The following CLYBL variants were observed in gnomAD, a reference collection of about 807,000 sequenced individuals.
The protein encoded by CLYBL is citramalyl-CoA lyase, also known as citramalyl-CoA lyase, mitochondrial.
In CLYBL, 31 loss-of-function variants were observed where a neutral mutation model predicts 38.9. The observed-to-expected ratio is 0.80, with a 90% confidence interval of 0.60 to 1.08. The LOEUF is 1.08. Among genes scored for constraint, CLYBL ranks in the 50% least tolerant of loss-of-function variants. The pLI is 0.00. For missense variants in CLYBL, 434 were observed against 411.6 expected, an observed-to-expected ratio of 1.05 and a Z score of -0.47; for synonymous variants, 171 against 158.6, an observed-to-expected ratio of 1.08 and a Z score of -0.59.
intron 2 of CLYBL, among the ~76,000 whole-genome samples, chr13:99,832,991 T>TATACATAC (rs71121014): frequency 1.4e-5 from 1 of 69,222 alleles, no homozygotes; most frequent in Non-Finnish European, 3.1e-5. Flanking sequence ...TTAAGTAGTA[T>TATACATAC]ATACATACAT....
At chr13:99,622,305 C>T (rs1483287825) in intron 1 of CLYBL, among the ~76,000 whole-genome samples, 1 of 152,162 alleles carries the variant, frequency 6.6e-6, no homozygotes, top group East Asian at 1.9e-4. Context: ...TCTTTGGGGG[C>T]CATTATTCTG....
chr13:99,616,800 AC>A (rs2046718327), intron 1 of CLYBL, among the ~76,000 whole-genome samples: 1 of 152,168 alleles, frequency 6.6e-6, no homozygotes, highest in East Asian at 1.9e-4. Context: ...TACTAAAAAT[AC>A]AAAAATTAGC....
chr13:99,847,153 G>A (rs928124933), intron 2 of CLYBL, among the ~76,000 whole-genome samples: 5 of 152,142 alleles, frequency 3.3e-5, no homozygotes, highest in African/African-American at 1.2e-4. Context: ...GTTATCTGAT[G>A]TGTATCTGGA....
chr13:99,837,353 G>C (rs543840802), intron 2 of CLYBL, among the ~76,000 whole-genome samples: 7 of 152,288 alleles, frequency 4.6e-5, no homozygotes, highest in Admixed American at 2.6e-4. Flanking sequence ...GTGGGGGTGA[G>C]GTGGGTGGAT....
chr13:99,631,658 G>A (rs1403473065), intron 1 of CLYBL, among the ~76,000 whole-genome samples: 1 of 151,854 alleles, frequency 6.6e-6, no homozygotes, highest in Admixed American at 6.6e-5. Flanking sequence ...GAGTGCAGTG[G>A]CGTGATCTCG....
intron 1 of CLYBL, among the ~76,000 whole-genome samples, chr13:99,695,539 A>T (rs1156448711): frequency 1.3e-5 from 2 of 151,720 alleles, no homozygotes; most frequent in Non-Finnish European, 2.9e-5. Flanking sequence ...TTTTGTTTTG[A>T]GACGGAGTCT....
chr13:99,670,956 TG>T (rs1164302718), intron 1 of CLYBL, among the ~76,000 whole-genome samples: 1 of 152,238 alleles, frequency 6.6e-6, no homozygotes, highest in East Asian at 1.9e-4. Context: ...CTCCTTACTG[TG>T]GCCACCAAAG....
chr13:99,865,472 G>A lies in CLYBL; in HGVS notation c.634+561G>A, dbSNP rs1848358953. 6.6e-6 allele frequency among the ~76,000 whole-genome samples: 1 copy of A among 152,170 alleles called. No homozygotes were observed. Among genetic ancestry groups the A allele is most frequent in the Admixed American group, 6.5e-5 (1 of 15,274 alleles). ...ATCCCTTGTGAGCTGCACTTGAGGG[G>A]TCTGCATGTTTGACTGGAGACCGTG... On this transcript the variant is annotated intron_variant, in intron 5 of 8. Transcript: ENST00000339105. The surrounding 1 kb of genome is among the most constrained non-coding windows in gnomAD (Gnocchi z 4.7).
chr13:99,727,063 G>A (rs1253910714), intron 1 of CLYBL, among the ~76,000 whole-genome samples: 1 of 151,926 alleles, frequency 6.6e-6, no homozygotes, highest in Non-Finnish European at 1.5e-5. Flanking sequence ...GGAGGCTGAG[G>A]CAGGTGAATC....
At chr13:99,879,746 T>C (rs2390323) in intron 7 of CLYBL, among the ~76,000 whole-genome samples, 9,401 of 152,168 alleles carry the variant, frequency 0.062, 968 homozygotes, top group African/African-American at 0.21. Flanking sequence ...TTAAAACTAC[T>C]CTGAAATCAT....
At chr13:99,762,050 A>G (rs999849749) in intron 1 of CLYBL, among the ~76,000 whole-genome samples, 1 of 151,990 alleles carries the variant, frequency 6.6e-6, no homozygotes, top group Admixed American at 6.6e-5. Flanking sequence ...AGCTCCTTAT[A>G]TATTCTGGTT....
In CLYBL at chr13:99,854,931, G is replaced by A. The variant is rs373952087; in HGVS notation, c.250-3930G>A. The stretch of plus-strand genomic sequence containing the variant: ...AGCCACTGGTCCACTGCACTGAGCA[G>A]CATGGCACGAAATATCGATTGAATG... On this transcript the variant is annotated intron_variant, in intron 2 of 8. Transcript: ENST00000339105. 2.0e-5 allele frequency among the ~76,000 whole-genome samples: 3 copies of A among 152,250 alleles called. No individual in the cohort carries two copies. In the East Asian group the frequency reaches 5.8e-4, roughly 29 times the overall value.
chr13:99,706,452 G>A (rs1423310883), intron 1 of CLYBL, among the ~76,000 whole-genome samples: 1 of 152,168 alleles, frequency 6.6e-6, no homozygotes, highest in African/African-American at 2.4e-5. Flanking sequence ...CAGTCAGGTA[G>A]GCACGGTGGC....
chr13:99,863,623 G>A (rs1248504204), intron 4 of CLYBL, among the ~76,000 whole-genome samples: 2 of 152,168 alleles, frequency 1.3e-5, no homozygotes, highest in African/African-American at 4.8e-5. Context: ...ATATACATGC[G>A]GGAATATTGG....
intron 1 of CLYBL, among the ~76,000 whole-genome samples, chr13:99,724,053 T>A (rs1259570618): frequency 2.0e-5 from 3 of 152,200 alleles, no homozygotes; most frequent in Non-Finnish European, 4.4e-5. Flanking sequence ...TTTGTTGTCT[T>A]TGTTTTTTGC....
chr13:99,659,804 A>G (rs935905966), intron 1 of CLYBL, among the ~76,000 whole-genome samples: 7 of 152,198 alleles, frequency 4.6e-5, no homozygotes, highest in African/African-American at 1.7e-4. Flanking sequence ...ATTCTATCAA[A>G]AACCTGTTTG....
At chr13:99,887,704 G>A (rs1397034471) in intron 7 of CLYBL, among the ~76,000 whole-genome samples, 1 of 152,182 alleles carries the variant, frequency 6.6e-6, no homozygotes, top group African/African-American at 2.4e-5. Flanking sequence ...AGTAAGCCGT[G>A]ATGACGCCAC....
At chr13:99,747,303 C>T (rs1012731357) in intron 1 of CLYBL, among the ~76,000 whole-genome samples, 2 of 149,706 alleles carry the variant, frequency 1.3e-5, no homozygotes, top group Non-Finnish European at 3.0e-5. Context: ...CCGGCTTTCC[C>T]TCAGCTGCCC....
At chr13:99,619,387 A>G (rs2046761378) in intron 1 of CLYBL, among the ~76,000 whole-genome samples, 1 of 152,220 alleles carries the variant, frequency 6.6e-6, no homozygotes, top group African/African-American at 2.4e-5. Flanking sequence ...CAGCCTCCAG[A>G]ACTGTGGGAA....
Sources: gnomAD v4.1 joint callset for allele counts (sites outside exome capture counted in the v4.1 genomes callset) on GRCh38, gnomAD v4.1.1 for gene constraint, Gnocchi (gnomAD v3.1) non-coding constraint, MANE v1.5 for transcripts, NCBI Gene and HGNC (gene_info 2026-07-23, HGNC 2026-07-21) for gene names.